Variants in ERBB4 observed in about 807,000 individuals in gnomAD.
The protein encoded by ERBB4 is receptor tyrosine-protein kinase erbB-4.
Under a neutral mutation model 158.0 loss-of-function variants are expected in ERBB4, and 42 were observed. The observed-to-expected ratio is 0.27, with a 90% CI of 0.21 to 0.34. The LOEUF is 0.34. ERBB4 is among the 10% of genes least tolerant of loss of function. The pLI, the probability that ERBB4 is intolerant of heterozygous loss-of-function variation, is 1.00. For missense variants in ERBB4, 1,333 were observed against 1,624.1 expected (o/e 0.82, Z 3.08); for synonymous variants, 583 against 558.7 (o/e 1.04, Z -0.61).
chr2:211,572,933 C>T (rs1331887628), intron 19 of ERBB4, among the ~76,000 whole-genome samples: 2 of 152,142 alleles, frequency 1.3e-5, no homozygotes, highest in Non-Finnish European at 2.9e-5. Flanking sequence ...TACTGCTAAA[C>T]AGTCATTGTG....
At chr2:211,930,943 A>T (rs781651070) in intron 3 of ERBB4, among the ~76,000 whole-genome samples, 6 of 152,130 alleles carry the variant, frequency 3.9e-5, no homozygotes, top group Non-Finnish European at 5.9e-5. Context: ...GTATAAAAGT[A>T]ATCTCTGGGG....
intron 2 of ERBB4, among the ~76,000 whole-genome samples, chr2:212,003,220 G>GAAAGACA (rs1559294358): frequency 2.0e-4 from 7 of 35,256 alleles, no homozygotes; most frequent in East Asian, 1.1e-3. Context: ...AAAGAAGGAA[G>GAAAGACA]GAAGGAAGGA....
intron 2 of ERBB4, among the ~76,000 whole-genome samples, chr2:211,994,949 C>G (rs1285517851): frequency 6.6e-6 from 1 of 152,170 alleles, no homozygotes; most frequent in Non-Finnish European, 1.5e-5. Context: ...GAACTTCAAG[C>G]TATTAAGGCC....
chr2:211,887,153 C>T (rs2078823988), intron 3 of ERBB4, among the ~76,000 whole-genome samples: 1 of 152,028 alleles, frequency 6.6e-6, no homozygotes, highest in Non-Finnish European at 1.5e-5. Context: ...CCAAATCAGG[C>T]TCCTGTACCA....
intron 2 of ERBB4, among the ~76,000 whole-genome samples, chr2:211,975,355 A>G (rs555935773): frequency 2.6e-5 from 4 of 152,274 alleles, no homozygotes; most frequent in African/African-American, 9.6e-5. Flanking sequence ...TGTCCAATCA[A>G]TCCTGACCTG....
chr2:211,572,331 A>C (rs1275509060), intron 19 of ERBB4, among the ~76,000 whole-genome samples: 1 of 152,226 alleles, frequency 6.6e-6, no homozygotes, highest in African/African-American at 2.4e-5. Flanking sequence ...AGTTTAGAGT[A>C]TATTTCCAGG....
At chr2:212,340,152 C>T (rs2088636202) in intron 1 of ERBB4, among the ~76,000 whole-genome samples, 2 of 151,898 alleles carry the variant, frequency 1.3e-5, no homozygotes, top group African/African-American at 4.8e-5. Flanking sequence ...CCTCCCACCT[C>T]AGCCTCCCAA....
chr2:212,382,504 T>A (rs13027907), intron 1 of ERBB4, among the ~76,000 whole-genome samples: 23,704 of 150,660 alleles, frequency 0.16, 2,162 homozygotes, highest in South Asian at 0.25. Context: ...TAAGTTCAGG[T>A]TGTTTGTAAA....
chr2:212,371,936 T>C (rs991191110), intron 1 of ERBB4, among the ~76,000 whole-genome samples: 1 of 152,232 alleles, frequency 6.6e-6, no homozygotes, highest in Admixed American at 6.5e-5. Flanking sequence ...CTCATTTTAC[T>C]ATAAATATTT....
In ERBB4 at chr2:211,396,759, A is replaced by G. The variant is rs113044381; in HGVS notation, c.3136-8767T>C. ...ACAGATAAAGCCCTTCAGTGTTCCT[A>G]TAATTGCAGTGTGGACCAGGTTGAA... On this transcript the variant is annotated intron_variant, in intron 25 of 27. Coordinates refer to ENST00000342788, the MANE Select transcript of ERBB4 (RefSeq NM_005235.3). 5.9e-5 allele frequency among the ~76,000 whole-genome samples: 9 copies of G among 152,348 alleles called. 1 individual carries two copies. Among genetic ancestry groups the G allele is most frequent in the South Asian group, 2.1e-4 (1 of 4,832 alleles).
intron 20 of ERBB4, among the ~76,000 whole-genome samples, chr2:211,557,057 G>A (rs552963523): frequency 6.6e-6 from 1 of 152,220 alleles, no homozygotes; most frequent in East Asian, 1.9e-4. Flanking sequence ...CAACTGCCTA[G>A]CCATATGGAG....
intron 3 of ERBB4, among the ~76,000 whole-genome samples, chr2:211,898,773 G>A (rs984429781): frequency 1.3e-5 from 2 of 152,138 alleles, no homozygotes; most frequent in South Asian, 4.1e-4. Flanking sequence ...AATAGAATTA[G>A]TAATTACTTT....
At chr2:211,404,759 G>A (rs1041791603) in intron 25 of ERBB4, among the ~76,000 whole-genome samples, 8 of 152,088 alleles carry the variant, frequency 5.3e-5, no homozygotes, top group African/African-American at 1.9e-4. Flanking sequence ...AGATCAGTCT[G>A]GGAGGAAACA....
rs534142294 is a variant in ERBB4, at chr2:211,990,478, C to T, written c.235-42862G>A. ...GAATATTGTGAGTGCTTACTATGTG[C>T]ATATCATTGCACCACATTTGAAGGA... On this transcript the variant is annotated intron_variant, in intron 2 of 27. Transcript: ENST00000342788. Among the ~76,000 whole-genome samples, 7 of 151,410 alleles carry T rather than the reference C, an allele frequency of 4.6e-5. No homozygotes were observed. In the South Asian group the frequency reaches 1.5e-3, roughly 32 times the overall value.
At position 212,150,053 on chromosome 2, in the gene ERBB4, G is replaced by A. The variant is rs1047513609; in HGVS notation, c.83-25150C>T. Among the ~76,000 whole-genome samples the A allele has an allele frequency of 2.6e-5, 4 of 152,096 alleles. No individual in the cohort carries two copies. In the South Asian group the frequency reaches 6.2e-4, roughly 24 times the overall value. On this transcript the variant is annotated intron_variant, in intron 1 of 27. Transcript: ENST00000342788. ...TTTTTCCAGAATCAGAGTGGAAGAC[G>A]AAACTTGCAAAACCGGGTATTCATT...
intron 3 of ERBB4, among the ~76,000 whole-genome samples, chr2:211,932,094 C>G (rs532319832): frequency 5.3e-5 from 8 of 152,152 alleles, no homozygotes; most frequent in African/African-American, 1.9e-4. Context: ...GTTGCTAGGG[C>G]TAGACGAGAA....
At chr2:212,353,057 A>G (rs1284935184) in intron 1 of ERBB4, among the ~76,000 whole-genome samples, 1 of 151,722 alleles carries the variant, frequency 6.6e-6, no homozygotes, top group Non-Finnish European at 1.5e-5. Flanking sequence ...AATACTGGAA[A>G]CTTTCCCTAC....
intron 25 of ERBB4, among the ~76,000 whole-genome samples, chr2:211,388,808 G>A (rs944852196): frequency 1.3e-5 from 2 of 152,040 alleles, no homozygotes; most frequent in African/African-American, 4.8e-5. Context: ...CTTAGGGTAA[G>A]GAAAAGGAGT....
intron 1 of ERBB4, among the ~76,000 whole-genome samples, chr2:212,532,360 C>A (rs539072399): frequency 4.1e-4 from 62 of 152,220 alleles, no homozygotes; most frequent in Non-Finnish European, 8.7e-4. Context: ...CTCCTCCCTG[C>A]AGCTTAACTA....
Sources: gnomAD v4.1 joint callset for allele counts (sites outside exome capture counted in the v4.1 genomes callset) on GRCh38, gnomAD v4.1.1 for gene constraint, MANE v1.5 for transcripts, NCBI Gene and HGNC (gene_info 2026-07-23, HGNC 2026-07-21) for gene names.